Variants in NFRKB observed in about 807,000 individuals in gnomAD.
NFRKB encodes the protein nuclear factor related to kappa-B-binding protein.
A neutral mutation model predicts 135.7 loss-of-function variants in NFRKB; 62 were observed. The observed-to-expected ratio is 0.46, with a 90% confidence interval of 0.37 to 0.56. The LOEUF is 0.56. Among genes scored for constraint, NFRKB ranks in the 20% least tolerant of loss-of-function variants. The pLI, the probability that NFRKB is intolerant of heterozygous loss-of-function variation, is 0.00. For synonymous variants in NFRKB, 678 were observed against 635.6 expected, an observed-to-expected ratio of 1.07 and a Z score of -1.00; for missense variants, 1,545 against 1,662.0, an observed-to-expected ratio of 0.93 and a Z score of 1.22.
intron 7 of NFRKB, 60 bp downstream of exon 7, chr11:129,884,682 AAGG>A: frequency 6.3e-7 from 1 of 1,589,806 alleles, no homozygotes; most frequent in Non-Finnish European, 8.6e-7. Context: ...CCTCCCTCTA[AAGG>A]AGTTTTCAGG....
At chr11:129,868,512 C>T (rs750811088) in intron 24 of NFRKB, among the ~76,000 whole-genome samples, 5 of 152,194 alleles carry the variant, frequency 3.3e-5, no homozygotes, top group African/African-American at 4.8e-5. Flanking sequence ...CAGGCGGCAC[C>T]GCTGGAGTAT....
In NFRKB at chr11:129,874,018, A is replaced by G. The variant is rs749811093; in HGVS notation, c.2280-3T>C. Reference sequence around the variant, plus strand: ...TTGGTGAAGACACCAGAAGAACACTATGAAGAACATCGGGGAAAGACAAAA... The same window carrying G: ...TTGGTGAAGACACCAGAAGAACACTGTGAAGAACATCGGGGAAAGACAAAA... On this transcript the variant is annotated splice_region_variant and splice_polypyrimidine_tract_variant and intron_variant, in intron 21 of 26. Coordinates refer to ENST00000682444, the MANE Select transcript of NFRKB (RefSeq NM_001143835.2). The surrounding 1 kb of genome is among the most constrained non-coding windows in gnomAD (Gnocchi z 4.5). 8 of 1,608,110 alleles carry G rather than the reference A, an allele frequency of 5.0e-6. No homozygotes were observed. Among genetic ancestry groups the G allele is most frequent in the South Asian group, 1.1e-5 (1 of 91,036 alleles).
At chr11:129,880,014 T>G (rs182040613) in intron 13 of NFRKB, among the ~76,000 whole-genome samples, 1 of 152,110 alleles carries the variant, frequency 6.6e-6, no homozygotes, top group African/African-American at 2.4e-5. Context: ...TGGGGAAACC[T>G]TGTCTCTACT....
intron 3 of NFRKB, among the ~76,000 whole-genome samples, chr11:129,889,999 G>A (rs979098523): frequency 3.5e-5 from 5 of 143,344 alleles, no homozygotes; most frequent in Admixed American, 2.8e-4. Flanking sequence ...TTTTATATAC[G>A]CTTCTGTGTG....
chr11:129,870,085 C>T lies in NFRKB; in HGVS notation c.2940G>A (p.Leu980=). The T allele has an allele frequency of 1.2e-6, 2 of 1,614,234 alleles. No homozygotes were observed. The highest frequency in any genetic ancestry group is 1.7e-6 in the Non-Finnish European group (2 of 1,180,040). Residue 980 remains leucine (L), a synonymous_variant, in exon 24 of 27, where the codon TTG becomes TTA. Coordinates refer to ENST00000682444, the MANE Select transcript of NFRKB (RefSeq NM_001143835.2). ...LRITPDMMAT[L]AKSQVTTVKL... is the part of the protein sequence containing the mutation. The stretch of plus-strand genomic sequence containing the variant: ...TGACTGTGGTAACCTGGGACTTGGC[C>T]AATGTGGCCATCATGTCCGGAGTGA...
intron 3 of NFRKB, 69 bp from the exon 4 acceptor site, chr11:129,888,864 A>C (rs1949404262): frequency 1.8e-6 from 2 of 1,113,404 alleles, no homozygotes. Context: ...ATGCGTATAC[A>C]AAACATTACA....
chr11:129,874,115 C>T lies in NFRKB; in HGVS notation c.2277G>A (p.Ser759=), dbSNP rs1041284715. Reference sequence around the variant, plus strand: ...GCTGAAGAAAAGGAGGAACTTACCCCGAGCTAGACTTAGCTGGTTCTGAGA... The same window carrying T: ...GCTGAAGAAAAGGAGGAACTTACCCTGAGCTAGACTTAGCTGGTTCTGAGA... ...STVSEPAKSS[S]GVLLVSSPTM... Residue 759 remains serine (S), a splice_region_variant and synonymous_variant, in exon 21 of 27, where the codon TCG becomes TCA. Transcript: ENST00000682444. This position sits in a 1 kb window ranked among gnomAD's most constrained non-coding sequence, Gnocchi z 4.5. 2.6e-6 allele frequency: 4 copies of T among 1,548,060 alleles called. No individual in the cohort carries two copies. The highest frequency in any genetic ancestry group is 2.7e-5 in the African/African-American group (2 of 72,764).
intron 23 of NFRKB, among the ~76,000 whole-genome samples, chr11:129,872,297 C>G (rs1321123015): frequency 6.6e-6 from 1 of 152,112 alleles, no homozygotes; most frequent in African/African-American, 2.4e-5. Flanking sequence ...AGGACACTCT[C>G]TGGCTTAATG....
chr11:129,865,185 C>T (rs1591465678), intron 25 of NFRKB, 84 bp from the exon 26 acceptor site: 1 of 1,501,576 alleles, frequency 6.7e-7, no homozygotes, highest in African/African-American at 1.4e-5. Context: ...TGAAGGACAA[C>T]AGGGAGGTCT....
chr11:129,871,114 A>T (rs1347271378), intron 23 of NFRKB, among the ~76,000 whole-genome samples: 1 of 152,194 alleles, frequency 6.6e-6, no homozygotes, highest in Non-Finnish European at 1.5e-5. Context: ...AGCAACAAAC[A>T]TCCTCCCGTG....
chr11:129,878,534 T>G lies in NFRKB; in HGVS notation c.1394A>C (p.Gln465Pro). ...TQQWKLLGQS[Q>P]DNEKELAALF... Reference sequence around the variant, plus strand: ...GGCAGCTAATTCCTTTTCATTATCTTGGGATTGGCCTATTAGAGGAATAAA... The same window carrying G: ...GGCAGCTAATTCCTTTTCATTATCTGGGGATTGGCCTATTAGAGGAATAAA... Residue 465 changes from glutamine (Q) to proline (P), a missense_variant, in exon 14 of 27, where the codon CAA becomes CCA. This residue lies in a region of NFRKB where 678 missense variants were observed against 646.7 expected (regional missense o/e 1.05). Transcript: ENST00000682444. 6.2e-7 allele frequency: 1 copy of G among 1,613,920 alleles called. No homozygotes were observed. Among genetic ancestry groups the G allele is most frequent in the Middle Eastern group, 1.7e-4 (1 of 6,060 alleles).
At position 129,874,432 on chromosome 11, in the gene NFRKB, C is replaced by G; in HGVS notation, c.2058+69G>C. On this transcript the variant is annotated intron_variant, in intron 20 of 26. Coordinates refer to ENST00000682444, the MANE Select transcript of NFRKB (RefSeq NM_001143835.2). The surrounding 1 kb of genome is among the most constrained non-coding windows in gnomAD (Gnocchi z 4.5). ...CCTGATGCCCCACACCAAGTGAAAG[C>G]CGAGCAGCCACTCTTAGTTGCCTCC... is the stretch of plus-strand genomic sequence containing the variant. 1 of 1,562,540 alleles carries G rather than the reference C, an allele frequency of 6.4e-7. No homozygotes were observed. The highest frequency in any genetic ancestry group is 8.7e-7 in the Non-Finnish European group (1 of 1,155,498).
chr11:129,875,274 A>C (rs1591493876), intron 18 of NFRKB, 83 bp downstream of exon 18: 1 of 1,159,478 alleles, frequency 8.6e-7, no homozygotes. Context: ...GTTTTTAAAA[A>C]TTTTGTTATA....
chr11:129,876,426 C>A (rs144843724), intron 17 of NFRKB, among the ~76,000 whole-genome samples: 33 of 152,318 alleles, frequency 2.2e-4, no homozygotes, highest in African/African-American at 7.7e-4. Flanking sequence ...AGCTAAGAAT[C>A]CTCACTGTTA....
intron 3 of NFRKB, among the ~76,000 whole-genome samples, chr11:129,889,951 C>CGTGTGTGTGT (rs56216860): frequency 2.2e-3 from 300 of 135,344 alleles, no homozygotes; most frequent in African/African-American, 4.7e-3. Flanking sequence ...TATTGTCTTA[C>CGTGTGTGTGT]GTGTGTGTGT....
At chr11:129,876,990 T>TA in intron 16 of NFRKB, 95 bp from the exon 17 acceptor site, 1 of 1,195,674 alleles carries the variant, frequency 8.4e-7, no homozygotes, top group African/African-American at 1.5e-5. Flanking sequence ...ATGGAACAAT[T>TA]AAAACAGGAA....
intron 5 of NFRKB, 33 bp from the exon 6 acceptor site, chr11:129,885,642 C>G: frequency 6.4e-7 from 1 of 1,568,558 alleles, no homozygotes; most frequent in Non-Finnish European, 8.7e-7. Flanking sequence ...TACAAGTCAT[C>G]ATCCAAGACC....
chr11:129,878,268 G>A, intron 15 of NFRKB, 41 bp downstream of exon 15: 1 of 1,603,676 alleles, frequency 6.2e-7, no homozygotes, highest in Non-Finnish European at 8.5e-7. Flanking sequence ...CTGAACTACA[G>A]TTTCCCAGGA....
At chr11:129,875,859 G>A (rs141977837) in intron 17 of NFRKB, among the ~76,000 whole-genome samples, 3 of 152,018 alleles carry the variant, frequency 2.0e-5, no homozygotes, top group Admixed American at 6.5e-5. Context: ...GTTTCATCAC[G>A]TTGACCAGGC....
Sources: gnomAD v4.1 joint callset for allele counts (sites outside exome capture counted in the v4.1 genomes callset) on GRCh38, gnomAD v4.1.1 for gene constraint, gnomAD v4.1.1 regional missense constraint, Gnocchi (gnomAD v3.1) non-coding constraint, MANE v1.5 for transcripts, NCBI Gene and HGNC (gene_info 2026-07-23, HGNC 2026-07-21) for gene names.